The following CWH43 variants were observed in gnomAD, a reference collection of about 807,000 sequenced individuals.
The protein encoded by CWH43 is PGAP2-interacting protein.
A neutral mutation model predicts 85.7 loss-of-function variants in CWH43; 91 were observed. That is an observed-to-expected ratio of 1.06 (90% CI 0.90 to 1.26). The LOEUF is 1.26. CWH43 is among the 50% of genes most tolerant of loss of function. The probability of loss-of-function intolerance (pLI) is 0.00; values close to 1 mark genes in which losing one functional copy is unlikely to be tolerated. For missense variants in CWH43, 869 were observed against 839.2 expected (o/e 1.04, Z -0.44); for synonymous variants, 323 against 293.6 (o/e 1.10, Z -1.02).
rs71600797 is a variant in CWH43, at chr4:49,039,306, G to GATATATATATATATAT, written c.1803+1138_1803+1153dup. On this transcript the variant is annotated intron_variant, in intron 13 of 15. Coordinates refer to ENST00000226432, the MANE Select transcript of CWH43 (RefSeq NM_025087.3). Reference sequence around the variant, plus strand: ...ACACAAATCAAATTCTCAGGAGACTGATATATATATATATATATATATATA... The same window carrying GATATATATATATATAT: ...ACACAAATCAAATTCTCAGGAGACTGATATATATATATATATATATATATATATATATATATATATA... Among the ~76,000 whole-genome samples, 45 of 4,594 alleles carry GATATATATATATATAT rather than the reference G, an allele frequency of 9.8e-3. 6 individuals are homozygous for GATATATATATATATAT. Among genetic ancestry groups the GATATATATATATATAT allele is most frequent in the South Asian group, 0.027 (4 of 146 alleles). The allele number at this position is 4,594 out of a possible 152,430, so 3.0% of individuals were successfully genotyped here.
At chr4:49,021,615 A>G (rs997149204) in intron 9 of CWH43, among the ~76,000 whole-genome samples, 16 of 152,154 alleles carry the variant, frequency 1.1e-4, no homozygotes, top group African/African-American at 2.4e-4. Flanking sequence ...TGGGAATTGC[A>G]TTGAATTTGT....
At chr4:49,049,622 A>G (rs1784735711) in intron 14 of CWH43, among the ~76,000 whole-genome samples, 1 of 152,038 alleles carries the variant, frequency 6.6e-6, no homozygotes, top group Non-Finnish European at 1.5e-5. Context: ...CCTCTTATGC[A>G]CTTCACTCCG....
At chr4:49,056,166 T>C (rs1784951082) in intron 15 of CWH43, among the ~76,000 whole-genome samples, 2 of 145,922 alleles carry the variant, frequency 1.4e-5, no homozygotes, top group South Asian at 2.2e-4. Context: ...ATATGCGGTG[T>C]TTGGTTTTTT....
At chr4:49,008,559 T>C (rs1428523415) in intron 8 of CWH43, among the ~76,000 whole-genome samples, 1 of 152,222 alleles carries the variant, frequency 6.6e-6, no homozygotes, top group Non-Finnish European at 1.5e-5. Context: ...TATGCCTATG[T>C]CCTGAATGGT....
chr4:48,987,358 T>C (rs990082807), intron 1 of CWH43, among the ~76,000 whole-genome samples: 1 of 152,108 alleles, frequency 6.6e-6, no homozygotes, highest in Non-Finnish European at 1.5e-5. Context: ...TGTGAAGGGG[T>C]TGAAAGTCCT....
chr4:49,023,032 C>A (rs780105041), intron 9 of CWH43, among the ~76,000 whole-genome samples: 1 of 152,118 alleles, frequency 6.6e-6, no homozygotes, highest in Non-Finnish European at 1.5e-5. Context: ...GTTTCAATAT[C>A]ATTTAATTCT....
In CWH43 at chr4:49,038,148, T is replaced by G. The variant is rs886525062; in HGVS notation, c.1771T>G (p.Tyr591Asp). Residue 591 changes from tyrosine to aspartate, a missense_variant, in exon 13 of 16, where the codon TAT (tyrosine) becomes GAT (aspartate). By Grantham distance (160) the Tyr-to-Asp change is radical (BLOSUM62 -3). This residue lies in a region of CWH43 where 577 missense variants were observed against 513.1 expected (regional missense o/e 1.12). Transcript: ENST00000226432. ...YITSAPGSRDYLQLTEHGNVK... is the reference protein window; with the variant it reads ...YITSAPGSRDDLQLTEHGNVK... ...CACTTCAGCACCTGGCTCCAGAGAT[T>G]ATCTACAGCTCACTGAACATGGCAA... 2 of 1,608,592 alleles carry G rather than the reference T, an allele frequency of 1.2e-6. No individual in the cohort carries two copies. The highest frequency in any genetic ancestry group is 1.7e-6 in the Non-Finnish European group (2 of 1,177,464).
At position 48,992,191 on chromosome 4, in the gene CWH43, A is replaced by C; in HGVS notation, c.511+101A>C. 1 of 1,015,606 alleles carries C rather than the reference A, an allele frequency of 9.8e-7. No individual in the cohort carries two copies. 62.9% of individuals were successfully genotyped at this position (1,015,606 alleles called of 1,614,324 possible). ...AAATCTATAAAAGTAGTCTTTCTGC[A>C]TTATATCTATATTTCAGCTTTTTCT... On this transcript the variant is annotated intron_variant, in intron 4 of 15. Coordinates refer to ENST00000226432, the MANE Select transcript of CWH43 (RefSeq NM_025087.3). This position sits in a 1 kb window ranked among gnomAD's most constrained non-coding sequence, Gnocchi z 4.3.
intron 10 of CWH43, 63 bp from the exon 11 acceptor site, chr4:49,030,757 AGTGTT>A (rs780564577): frequency 2.9e-5 from 41 of 1,420,162 alleles, no homozygotes; most frequent in Non-Finnish European, 3.7e-5. Context: ...TCAAGAGTAA[AGTGTT>A]GCTAATTGTT....
At chr4:49,000,134 G>C (rs1488248207) in intron 6 of CWH43, among the ~76,000 whole-genome samples, 1 of 152,120 alleles carries the variant, frequency 6.6e-6, no homozygotes, top group Non-Finnish European at 1.5e-5. Context: ...GTTAATACAT[G>C]TTAATTAAGT....
chr4:49,036,056 G>A (rs1784252292), intron 12 of CWH43, among the ~76,000 whole-genome samples: 1 of 152,192 alleles, frequency 6.6e-6, no homozygotes, highest in African/African-American at 2.4e-5. Flanking sequence ...TAAGGCCGAA[G>A]GAACAGGCAG....
chr4:49,058,510 C>A (rs1785037991), intron 15 of CWH43, among the ~76,000 whole-genome samples: 1 of 152,164 alleles, frequency 6.6e-6, no homozygotes, highest in African/African-American at 2.4e-5. Flanking sequence ...GCTGCATCAG[C>A]ATTAAAGTAT....
chr4:49,061,046 C>T (rs1488604036), intron 15 of CWH43, among the ~76,000 whole-genome samples: 1 of 152,002 alleles, frequency 6.6e-6, no homozygotes, highest in Non-Finnish European at 1.5e-5. Flanking sequence ...TATGGATGCA[C>T]CAACATTTAG....
At chr4:49,029,282 G>C (rs1784015256) in intron 10 of CWH43, among the ~76,000 whole-genome samples, 1 of 152,198 alleles carries the variant, frequency 6.6e-6, no homozygotes, top group Non-Finnish European at 1.5e-5. Flanking sequence ...AAGGTTTAAG[G>C]GATCTAGGGC....
In CWH43 at chr4:49,053,903, T is replaced by C. The variant is rs1577714995; in HGVS notation, c.2021+3054T>C. Among the ~76,000 whole-genome samples, 8 of 152,306 alleles carry C rather than the reference T, an allele frequency of 5.3e-5. No individual in the cohort carries two copies. In the South Asian group the frequency reaches 1.7e-3, roughly 32 times the overall value. ...TCTGAAATACTTCTGGTCCCAGTGA[T>C]TTTGGATAAAGAATACTCAACCTAT... On this transcript the variant is annotated intron_variant, in intron 15 of 15. Coordinates refer to ENST00000226432, the MANE Select transcript of CWH43 (RefSeq NM_025087.3).
At chr4:49,021,200 G>A (rs1013940685) in intron 9 of CWH43, among the ~76,000 whole-genome samples, 1 of 152,146 alleles carries the variant, frequency 6.6e-6, no homozygotes, top group Admixed American at 6.5e-5. Context: ...TTAGATCTAA[G>A]TCTTTGATCC....
At chr4:49,006,665 C>A (rs994752482) in intron 7 of CWH43, among the ~76,000 whole-genome samples, 2 of 152,156 alleles carry the variant, frequency 1.3e-5, no homozygotes, top group African/African-American at 4.8e-5. Flanking sequence ...TGTTGCATAT[C>A]CCAATTTAGC....
intron 8 of CWH43, among the ~76,000 whole-genome samples, chr4:49,014,933 A>C (rs1189554028): frequency 6.6e-6 from 1 of 152,200 alleles, no homozygotes; most frequent in African/African-American, 2.4e-5. Flanking sequence ...AGCTTTGTAC[A>C]GTTTAGGAGT....
At chr4:49,017,655 A>G (rs923796575) in intron 9 of CWH43, among the ~76,000 whole-genome samples, 1 of 152,166 alleles carries the variant, frequency 6.6e-6, no homozygotes, top group African/African-American at 2.4e-5. Context: ...GAGACCGGGT[A>G]ATTTATAAAG....
Sources: gnomAD v4.1 joint callset for allele counts (sites outside exome capture counted in the v4.1 genomes callset) on GRCh38, gnomAD v4.1.1 for gene constraint, gnomAD v4.1.1 regional missense constraint, Gnocchi (gnomAD v3.1) non-coding constraint, MANE v1.5 for transcripts, NCBI Gene and HGNC (gene_info 2026-07-23, HGNC 2026-07-21) for gene names.